Variants in DYM observed in about 807,000 individuals in gnomAD.
DYM encodes dymeclin, also known as dyggve-Melchior-Clausen syndrome protein.
Under a neutral mutation model 93.1 loss-of-function variants are expected in DYM, and 78 were observed. The observed-to-expected ratio is 0.84, with a 90% confidence interval of 0.70 to 1.01. DYM has a LOEUF of 1.01. Among genes scored for constraint, DYM ranks in the 50% least tolerant of loss-of-function variants. The pLI is 0.00. For synonymous variants in DYM, 321 were observed against 319.7 expected, an observed-to-expected ratio of 1.00 and a Z score of -0.04; for missense variants, 789 against 845.0, an observed-to-expected ratio of 0.93 and a Z score of 0.82.
chr18:49,339,839 G>A (rs78426648), intron 6 of DYM, among the ~76,000 whole-genome samples: 302 of 152,258 alleles, frequency 2.0e-3, no homozygotes, highest in African/African-American at 6.7e-3. Flanking sequence ...ATTATTTGTG[G>A]GCATGCAAAG....
At chr18:49,451,032 T>C (rs2082480746) in intron 1 of DYM, among the ~76,000 whole-genome samples, 1 of 152,158 alleles carries the variant, frequency 6.6e-6, no homozygotes, top group Non-Finnish European at 1.5e-5. Flanking sequence ...AAACAAGAAT[T>C]GACTAAATGG....
rs75172953 is a variant in DYM at position 49,333,536 on chromosome 18, G to A, written c.620+192C>T. ...AGGTAATGAAGCTACGGGACAGGAA[G>A]AACAGGGAGGATGGGTAGATGGCAC... On this transcript the variant is annotated intron_variant, in intron 7 of 17. Transcript: ENST00000675505. Among the ~76,000 whole-genome samples, 1,249 of 152,338 alleles carry A rather than the reference G, an allele frequency of 8.2e-3. 32 individuals are homozygous for A. Among genetic ancestry groups the A allele is most frequent in the South Asian group, 0.076 (366 of 4,822 alleles).
intron 1 of DYM, among the ~76,000 whole-genome samples, chr18:49,441,111 A>AT: frequency 2.0e-3 from 15 of 7,628 alleles, no homozygotes; most frequent in Non-Finnish European, 2.9e-3. Context: ...ATATATTAAT[A>AT]TAAATATATT....
intron 15 of DYM, among the ~76,000 whole-genome samples, chr18:49,140,839 A>G (rs149039875): frequency 7.9e-5 from 12 of 152,236 alleles, no homozygotes; most frequent in Admixed American, 7.9e-4. Flanking sequence ...TCTCATGATT[A>G]ATTAATCTAG....
At chr18:49,408,934 G>C (rs2071852275) in intron 2 of DYM, among the ~76,000 whole-genome samples, 1 of 152,102 alleles carries the variant, frequency 6.6e-6, no homozygotes, top group Admixed American at 6.6e-5. Context: ...TAAACTTCAA[G>C]AATGGTCTAG....
chr18:49,454,940 G>A (rs1401539196), intron 1 of DYM, among the ~76,000 whole-genome samples: 12 of 149,430 alleles, frequency 8.0e-5, no homozygotes, highest in African/African-American at 2.5e-4. Flanking sequence ...AATCTGCTGC[G>A]GTCCATGGCC....
At chr18:49,459,926 G>A (rs1600447996) in intron 1 of DYM, among the ~76,000 whole-genome samples, 1 of 145,220 alleles carries the variant, frequency 6.9e-6, no homozygotes, top group African/African-American at 2.5e-5. Flanking sequence ...GGCGGGGGGG[G>A]CGGTGATTAA....
chr18:49,447,899 C>T (rs910758133), intron 1 of DYM, among the ~76,000 whole-genome samples: 2 of 152,152 alleles, frequency 1.3e-5, no homozygotes, highest in Admixed American at 1.3e-4. Flanking sequence ...CCCTGACCCC[C>T]CAACAGTGAG....
chr18:49,317,491 T>C (rs1045397975), intron 8 of DYM, among the ~76,000 whole-genome samples: 1 of 151,032 alleles, frequency 6.6e-6, no homozygotes, highest in Non-Finnish European at 1.5e-5. Flanking sequence ...TTGCCAAAAG[T>C]CTTTAACTAA....
chr18:49,145,149 A>G, intron 15 of DYM, among the ~76,000 whole-genome samples: 1 of 64,918 alleles, frequency 1.5e-5, no homozygotes, highest in South Asian at 4.8e-4. Context: ...TATATATATA[A>G]TATACAAATA....
At chr18:49,099,805 T>C (rs1390741343) in intron 16 of DYM, among the ~76,000 whole-genome samples, 1 of 152,202 alleles carries the variant, frequency 6.6e-6, no homozygotes, top group Non-Finnish European at 1.5e-5. Context: ...CTGATAACTT[T>C]TATGGATCCA....
intron 17 of DYM, among the ~76,000 whole-genome samples, chr18:49,092,083 T>C (rs79508828): frequency 0.062 from 9,415 of 152,298 alleles, 541 homozygotes; most frequent in East Asian, 0.27. Context: ...ATTTCAGTTG[T>C]ATATAAATGT....
intron 6 of DYM, among the ~76,000 whole-genome samples, chr18:49,350,680 T>C (rs1290443826): frequency 7.4e-6 from 1 of 135,664 alleles, no homozygotes; most frequent in East Asian, 2.1e-4. Context: ...CACTCCACCC[T>C]GGGTGACAGG....
At position 49,292,351 on chromosome 18, in the gene DYM, G is replaced by GACACACACAC. The variant is rs1293664967; in HGVS notation, c.764-5736_764-5735insGTGTGTGTGT. On this transcript the variant is annotated intron_variant, in intron 8 of 17. Coordinates refer to ENST00000675505, the MANE Select transcript of DYM (RefSeq NM_001353214.3). ...AGGCAGGCAGGCAGACAGACAGACA[G>GACACACACAC]ACAGACACACACACACACACACACA... Among the ~76,000 whole-genome samples, 14 of 106,710 alleles carry GACACACACAC rather than the reference G, an allele frequency of 1.3e-4. No individual in the cohort carries two copies. In the East Asian group the frequency reaches 1.6e-3, roughly 12 times the overall value. 70.0% of individuals were successfully genotyped at this position (106,710 alleles called of 152,430 possible). A position where few individuals can be genotyped will look rare whatever the true frequency, so the allele number is the denominator to read the frequency against.
At chr18:49,397,873 A>G (rs1053425564) in intron 2 of DYM, among the ~76,000 whole-genome samples, 2 of 152,222 alleles carry the variant, frequency 1.3e-5, no homozygotes, top group African/African-American at 2.4e-5. Context: ...AATAAAATAC[A>G]TTAAAATTAA....
At chr18:49,107,486 T>A (rs963700352) in intron 16 of DYM, among the ~76,000 whole-genome samples, 2 of 152,218 alleles carry the variant, frequency 1.3e-5, no homozygotes, top group African/African-American at 4.8e-5. Context: ...GGCACTCTGA[T>A]TTTTAGAGTT....
intron 11 of DYM, 79 bp from the exon 12 acceptor site, chr18:49,258,572 A>T: frequency 1.1e-6 from 1 of 907,628 alleles, no homozygotes; most frequent in Non-Finnish European, 1.8e-6. Context: ...ACAATTTTTG[A>T]TAAACGATGA....
intron 15 of DYM, among the ~76,000 whole-genome samples, chr18:49,140,663 TATC>T (rs936713781): frequency 8.5e-5 from 13 of 152,244 alleles, no homozygotes; most frequent in Non-Finnish European, 1.8e-4. Flanking sequence ...GTTTATCTAT[TATC>T]ATTAGACTCC....
chr18:49,361,618 T>C (rs2066023931), intron 6 of DYM, among the ~76,000 whole-genome samples: 1 of 152,210 alleles, frequency 6.6e-6, no homozygotes, highest in Admixed American at 6.5e-5. Flanking sequence ...TAAACAGATA[T>C]TCAGTGTGTC....
Sources: allele counts gnomAD v4.1 joint callset (sites outside exome capture counted in the v4.1 genomes callset), GRCh38; gene constraint gnomAD v4.1.1; transcripts MANE v1.5; gene names NCBI Gene and HGNC (gene_info 2026-07-23, HGNC 2026-07-21).